NFATC1: variants seen among roughly 807,000 people sequenced by gnomAD.
The protein encoded by NFATC1 is nuclear factor of activated T-cells, cytoplasmic 1.
NFATC1 carries 22 observed loss-of-function variants against 76.0 expected under a neutral mutation model. The ratio of observed to expected loss-of-function variants is 0.29; its 90% CI spans 0.21 to 0.41. The LOEUF (loss-of-function observed/expected upper bound fraction) is 0.41, where lower values mean the gene tolerates loss of function less well. NFATC1 is among the 10% of genes least tolerant of loss of function. The pLI is 1.00. For missense variants in NFATC1, 1,357 were observed against 1,337.7 expected (o/e 1.01, Z -0.23); for synonymous variants, 704 against 613.1 (o/e 1.15, Z -2.19).
At chr18:79,522,541 T>TG (rs1252707414) in intron 9 of NFATC1, among the ~76,000 whole-genome samples, 2 of 107,486 alleles carry the variant, frequency 1.9e-5, no homozygotes, top group Non-Finnish European at 3.9e-5. Flanking sequence ...TGTGTGTCTG[T>TG]GGGGGGTGTC....
At chr18:79,479,404 C>T (rs1330494332) in intron 8 of NFATC1, among the ~76,000 whole-genome samples, 1 of 152,236 alleles carries the variant, frequency 6.6e-6, no homozygotes, top group Non-Finnish European at 1.5e-5. Context: ...CTCCCAGGCG[C>T]TCTTGCAGAC....
chr18:79,411,760 C>T (rs938173598), intron 2 of NFATC1, among the ~76,000 whole-genome samples: 2 of 152,238 alleles, frequency 1.3e-5, no homozygotes, highest in African/African-American at 4.8e-5. Context: ...CAGATCCTCT[C>T]GGGCCCTGCT....
At chr18:79,519,954 G>C (rs147092991) in intron 9 of NFATC1, among the ~76,000 whole-genome samples, 1 of 152,208 alleles carries the variant, frequency 6.6e-6, no homozygotes, top group Non-Finnish European at 1.5e-5. Context: ...AGTCCTGGAC[G>C]GGCGAGATAA....
chr18:79,433,492 A>G, intron 2 of NFATC1, 87 bp from the exon 3 acceptor site: 1 of 1,516,790 alleles, frequency 6.6e-7, no homozygotes, highest in Non-Finnish European at 9.1e-7. Flanking sequence ...GTGTCCACCC[A>G]AGATGGCGAC....
chr18:79,506,005 C>G (rs1341547495), intron 9 of NFATC1, among the ~76,000 whole-genome samples: 2 of 152,190 alleles, frequency 1.3e-5, no homozygotes, highest in African/African-American at 2.4e-5. Context: ...TACCAAAAAT[C>G]ACTGAATTTT....
At chr18:79,428,044 G>A (rs2086458720) in intron 2 of NFATC1, among the ~76,000 whole-genome samples, 1 of 145,294 alleles carries the variant, frequency 6.9e-6, no homozygotes, top group Non-Finnish European at 1.5e-5. Flanking sequence ...GGGGGCAGGC[G>A]CTGGATGACT....
At position 79,433,563 on chromosome 18, in the gene NFATC1, C is replaced by T. The variant is rs747879979; in HGVS notation, c.1227-16C>T. 6.8e-6 allele frequency: 11 copies of T among 1,612,716 alleles called. No individual in the cohort carries two copies. In the South Asian group the frequency reaches 7.7e-5, roughly 11 times the overall value. ...TGTGTGGTGCTGAACGCCTCCTCTG[C>T]TCTGTTCCCTTCCAGCCCGACCCTG... is the stretch of plus-strand genomic sequence containing the variant. On this transcript the variant is annotated splice_polypyrimidine_tract_variant and intron_variant, in intron 2 of 9. Coordinates refer to ENST00000427363, the MANE Select transcript of NFATC1 (RefSeq NM_001278669.2).
In NFATC1 at chr18:79,486,485, C is replaced by A. The variant is rs1402379598; in HGVS notation, c.2330C>A (p.Thr777Asn). 3.7e-6 allele frequency: 6 copies of A among 1,607,642 alleles called. No homozygotes were observed. The highest frequency in any genetic ancestry group is 4.2e-6 in the Non-Finnish European group (5 of 1,179,690). ...CACGACCTTTCTCCCGCTGCCTACA[C>A]CAAGGGCGTTGCCAGCCCGGGCCAC... ...KLHDLSPAAY[T>N]KGVASPGHCH... The change falls in exon 9 of 10, where the codon ACC (threonine) becomes AAC (asparagine). Residue 777 changes from threonine to asparagine, a missense_variant. Thr to Asn is a moderately conservative substitution (Grantham distance 65). Around this residue, in one of 3 missense-constraint regions of NFATC1, gnomAD observed 424 missense variants for 395.4 expected, o/e 1.07. Transcript: ENST00000427363.
In NFATC1 at chr18:79,486,656, G is replaced by T. The variant is rs1353997062; in HGVS notation, c.2501G>T (p.Cys834Phe). The change falls in exon 9 of 10, where the codon TGC becomes TTC. Residue 834 changes from cysteine (C) to phenylalanine (F), a missense_variant. Transcript: ENST00000427363. ...QQVSAPPSSSCPPGLEHSLCP... is the reference protein window; with the variant it reads ...QQVSAPPSSSFPPGLEHSLCP... The stretch of plus-strand genomic sequence containing the variant: ...GTGAGTGCGCCTCCAAGCAGTAGCT[G>T]CCCCCCTGGTCTCGAACACTCGCTC... 1.2e-6 allele frequency: 2 copies of T among 1,603,652 alleles called. No individual in the cohort carries two copies. The highest frequency in any genetic ancestry group is 8.5e-7 in the Non-Finnish European group (1 of 1,177,866).
chr18:79,434,040 C>T (rs888662887), intron 3 of NFATC1, among the ~76,000 whole-genome samples: 2 of 152,208 alleles, frequency 1.3e-5, no homozygotes, highest in Non-Finnish European at 2.9e-5. Context: ...CTCTCTAAAG[C>T]CTCTGAACTT....
At chr18:79,429,603 G>A (rs1191190566) in intron 2 of NFATC1, among the ~76,000 whole-genome samples, 4 of 152,164 alleles carry the variant, frequency 2.6e-5, no homozygotes, top group Non-Finnish European at 5.9e-5. Flanking sequence ...GTGGGGTGGA[G>A]AGCAGGCAGC....
chr18:79,486,998 A>C, intron 9 of NFATC1, 61 bp downstream of exon 9: 6 of 1,514,154 alleles, frequency 4.0e-6, no homozygotes, highest in Non-Finnish European at 4.5e-6. Context: ...GAGCTCATGG[A>C]GGGGCCGTGT....
At chr18:79,522,336 GTGGTGGGGGGTGT>G (rs2090626628) in intron 9 of NFATC1, among the ~76,000 whole-genome samples, 1 of 118,444 alleles carries the variant, frequency 8.4e-6, no homozygotes. Flanking sequence ...TGTTTTGTGT[GTGGTGGGGGGTGT>G]CCACTGATGT....
In NFATC1 at chr18:79,442,316, C is replaced by T. The variant is rs1033490882; in HGVS notation, c.1387-6466C>T. Among the ~76,000 whole-genome samples, 30 of 152,354 alleles carry T rather than the reference C, an allele frequency of 2.0e-4. 1 individual carries two copies. The East Asian group carries it at 5.8e-3, about 29-fold the overall frequency. ...TCTCCTCCCCACCTCTGTCCACCCT[C>T]GCCGAGGCGTCGGTCCTGCTGAGCA... On this transcript the variant is annotated intron_variant, in intron 3 of 9. Coordinates refer to ENST00000427363, the MANE Select transcript of NFATC1 (RefSeq NM_001278669.2).
intron 3 of NFATC1, among the ~76,000 whole-genome samples, chr18:79,438,312 C>T (rs552417258): frequency 1.2e-3 from 187 of 152,340 alleles, no homozygotes; most frequent in Middle Eastern, 3.4e-3. Context: ...GTGGCAGCTA[C>T]ACTCTCCCGG....
intron 8 of NFATC1, among the ~76,000 whole-genome samples, 187 bp from the exon 9 acceptor site, chr18:79,486,061 C>T (rs768165665): frequency 6.6e-6 from 1 of 152,062 alleles, no homozygotes; most frequent in Non-Finnish European, 1.5e-5. Context: ...AGTATTAGAA[C>T]CAGCTGCTAC....
At chr18:79,398,582 G>A (rs536038755) in intron 1 of NFATC1, among the ~76,000 whole-genome samples, 2 of 152,278 alleles carry the variant, frequency 1.3e-5, no homozygotes, top group Admixed American at 6.5e-5. Flanking sequence ...CCGCCCCACC[G>A]ACCCCTTCTC....
At chr18:79,453,923 G>A (rs1387915405) in intron 6 of NFATC1, among the ~76,000 whole-genome samples, 2 of 152,184 alleles carry the variant, frequency 1.3e-5, no homozygotes, top group African/African-American at 2.4e-5. Flanking sequence ...CTTACAACAC[G>A]TGCTGATGTG....
intron 8 of NFATC1, among the ~76,000 whole-genome samples, chr18:79,483,053 TCCTGGGGTG>T (rs2089351689): frequency 7.5e-6 from 1 of 132,492 alleles, no homozygotes; most frequent in African/African-American, 2.8e-5. Flanking sequence ...CGTGACCTGG[TCCTGGGGTG>T]TCACTCCAGC....
Sources: allele counts gnomAD v4.1 joint callset (sites outside exome capture counted in the v4.1 genomes callset), GRCh38; gene constraint gnomAD v4.1.1; regional missense constraint gnomAD v4.1.1; transcripts MANE v1.5; gene names NCBI Gene and HGNC (gene_info 2026-07-23, HGNC 2026-07-21).